PSD3: variants seen among roughly 807,000 people sequenced by gnomAD.
PSD3 encodes pleckstrin and Sec7 domain containing 3.
PSD3 carries 49 observed loss-of-function variants against 105.5 expected under a neutral mutation model. The ratio of observed to expected loss-of-function variants is 0.46; its 90% CI spans 0.37 to 0.59. The LOEUF is 0.59. PSD3 is among the 20% of genes least tolerant of loss of function. The pLI, the probability that PSD3 is intolerant of heterozygous loss-of-function variation, is 0.00. For missense variants in PSD3, 1,561 were observed against 1,263.8 expected, an observed-to-expected ratio of 1.24 and a Z score of -3.57; for synonymous variants, 557 against 457.8, an observed-to-expected ratio of 1.22 and a Z score of -2.77.
intron 4 of PSD3, among the ~76,000 whole-genome samples, chr8:18,865,843 G>A (rs1318041444): frequency 6.6e-6 from 1 of 152,158 alleles, no homozygotes; most frequent in East Asian, 1.9e-4. Flanking sequence ...CTAAATATGA[G>A]ATGCTAAAAT....
At chr8:18,875,501 C>A (rs1817671477) in intron 2 of PSD3, among the ~76,000 whole-genome samples, 1 of 151,472 alleles carries the variant, frequency 6.6e-6, no homozygotes, top group East Asian at 1.9e-4. Flanking sequence ...TTAGTATATT[C>A]ACAAAACTGT....
intron 9 of PSD3, among the ~76,000 whole-genome samples, chr8:18,681,355 C>T (rs1429693648): frequency 6.7e-6 from 1 of 150,308 alleles, no homozygotes; most frequent in African/African-American, 2.5e-5. Flanking sequence ...GCCTATCATC[C>T]CAATACTTTG....
At chr8:18,729,777 C>T (rs1049101785) in intron 9 of PSD3, among the ~76,000 whole-genome samples, 1 of 151,542 alleles carries the variant, frequency 6.6e-6, no homozygotes, top group Admixed American at 6.6e-5. Context: ...GGAGGAAAAT[C>T]CTTCACATCC....
rs535362506 is a variant in PSD3, at chr8:18,914,990, C to G, written c.130+21044G>C. 3.0e-4 allele frequency among the ~76,000 whole-genome samples: 46 copies of G among 152,086 alleles called. No homozygotes were observed. The South Asian group carries it at 9.6e-3, about 32-fold the overall frequency. ...GGTAACCAAAACAGCATGGTACTAG[C>G]ATAAAAACAGACCTAAACCAATGGA... On this transcript the variant is annotated intron_variant, in intron 2 of 15. Coordinates refer to ENST00000327040, the MANE Select transcript of PSD3 (RefSeq NM_015310.4).
chr8:18,797,222 A>C (rs1047260969), intron 8 of PSD3, among the ~76,000 whole-genome samples: 7 of 152,186 alleles, frequency 4.6e-5, no homozygotes, highest in Non-Finnish European at 7.4e-5. Flanking sequence ...GACAATCCCA[A>C]GTATATCGCA....
intron 9 of PSD3, among the ~76,000 whole-genome samples, chr8:18,743,538 T>A (rs1165256470): frequency 6.6e-6 from 1 of 152,124 alleles, no homozygotes; most frequent in East Asian, 1.9e-4. Flanking sequence ...GGGGGAAAAG[T>A]CTCTTCCCAC....
chr8:19,071,742 C>T (rs991583375), intron 1 of PSD3, among the ~76,000 whole-genome samples: 8 of 151,948 alleles, frequency 5.3e-5, no homozygotes, highest in African/African-American at 1.9e-4. Context: ...ATTTTTGAGA[C>T]GGAGTTTCAC....
intron 8 of PSD3, chr8:18,786,771 G>C (rs924090084): frequency 6.6e-6 from 1 of 152,136 alleles, no homozygotes; most frequent in Non-Finnish European, 1.5e-5. Context: ...ACAACTTCTC[G>C]AATGCTTGAC....
At chr8:18,924,310 A>C (rs1483128506) in intron 2 of PSD3, among the ~76,000 whole-genome samples, 1 of 152,234 alleles carries the variant, frequency 6.6e-6, no homozygotes, top group East Asian at 1.9e-4. Context: ...AATAACGGCC[A>C]AGGAATAGTG....
chr8:18,721,747 A>C (rs1802988409), intron 9 of PSD3, among the ~76,000 whole-genome samples: 1 of 152,166 alleles, frequency 6.6e-6, no homozygotes, highest in Admixed American at 6.5e-5. Flanking sequence ...TGTTTACTAA[A>C]TCGTTCCCTA....
chr8:18,626,093 T>C (rs905756325), intron 11 of PSD3, among the ~76,000 whole-genome samples: 18 of 152,228 alleles, frequency 1.2e-4, no homozygotes, highest in African/African-American at 3.6e-4. Flanking sequence ...TTAATAGGTC[T>C]TTGTAAAAAT....
intron 2 of PSD3, among the ~76,000 whole-genome samples, chr8:18,880,940 C>T (rs1818062658): frequency 6.6e-6 from 1 of 152,088 alleles, no homozygotes; most frequent in Non-Finnish European, 1.5e-5. Flanking sequence ...GTATTTTTCC[C>T]CTTAAAGAAA....
intron 4 of PSD3, among the ~76,000 whole-genome samples, chr8:18,848,747 G>T (rs947042672): frequency 7.2e-5 from 11 of 152,286 alleles, no homozygotes; most frequent in African/African-American, 1.9e-4. Flanking sequence ...GCTCACAGAG[G>T]AGTCCCAGAA....
intron 4 of PSD3, among the ~76,000 whole-genome samples, chr8:18,837,596 C>T (rs890420619): frequency 2.0e-5 from 3 of 152,196 alleles, no homozygotes; most frequent in African/African-American, 7.2e-5. Flanking sequence ...TTAATACTCA[C>T]TGGCAAAAGA....
At chr8:18,780,627 C>T in intron 8 of PSD3, among the ~76,000 whole-genome samples, 1 of 152,110 alleles carries the variant, frequency 6.6e-6, no homozygotes, top group Non-Finnish European at 1.5e-5. Flanking sequence ...GACCTTGGCT[C>T]ACTGTAAGCT....
intron 4 of PSD3, chr8:18,853,953 C>T (rs1815794082): frequency 1.3e-5 from 2 of 152,102 alleles, no homozygotes; most frequent in Non-Finnish European, 1.5e-5. Flanking sequence ...TGATCATTTT[C>T]CTAAGTCTTT....
At chr8:18,674,762 T>G (rs2130925509) in intron 9 of PSD3, among the ~76,000 whole-genome samples, 1 of 152,230 alleles carries the variant, frequency 6.6e-6, no homozygotes, top group East Asian at 1.9e-4. Context: ...ATCCCAGCAC[T>G]TTGGGAGGCT....
At chr8:19,002,638 C>T (rs1381956595) in intron 1 of PSD3, among the ~76,000 whole-genome samples, 1 of 152,082 alleles carries the variant, frequency 6.6e-6, no homozygotes, top group South Asian at 2.1e-4. Flanking sequence ...TTCCCATATA[C>T]TTTAAGTCAT....
At chr8:18,625,110 T>C (rs964243406) in intron 11 of PSD3, among the ~76,000 whole-genome samples, 3 of 151,998 alleles carry the variant, frequency 2.0e-5, no homozygotes, top group Non-Finnish European at 2.9e-5. Context: ...CTTCTAAAAA[T>C]CTTAGAACCT....
Sources: gnomAD v4.1 joint callset for allele counts (sites outside exome capture counted in the v4.1 genomes callset) on GRCh38, gnomAD v4.1.1 for gene constraint, MANE v1.5 for transcripts, NCBI Gene and HGNC (gene_info 2026-07-23, HGNC 2026-07-21) for gene names.